AK5: variants seen among roughly 807,000 people sequenced by gnomAD.
AK5 encodes adenylate kinase 5, also known as adenylate kinase isoenzyme 5.
In AK5, 27 loss-of-function variants were observed where a neutral mutation model predicts 69.5. The observed-to-expected ratio is 0.39, with a 90% CI of 0.29 to 0.54. AK5 has a LOEUF of 0.54. AK5 is among the 20% of genes least tolerant of loss of function. The probability of loss-of-function intolerance (pLI) is 0.71; values close to 1 mark genes in which losing one functional copy is unlikely to be tolerated. For synonymous variants in AK5, 260 were observed against 244.4 expected (o/e 1.06, Z -0.60); for missense variants, 531 against 700.4 (o/e 0.76, Z 2.73).
chr1:77,491,572 T>C (rs1026995097), intron 10 of AK5, among the ~76,000 whole-genome samples: 2 of 152,194 alleles, frequency 1.3e-5, no homozygotes, highest in Non-Finnish European at 2.9e-5. Flanking sequence ...CCCAAAGTGC[T>C]GGGATTACAG....
intron 6 of AK5, among the ~76,000 whole-genome samples, chr1:77,347,668 A>G (rs544607206): frequency 2.0e-5 from 3 of 152,362 alleles, no homozygotes; most frequent in South Asian, 4.1e-4. Flanking sequence ...ATAAAAGCAC[A>G]AAGATAAAGC....
chr1:77,411,153 C>A, intron 7 of AK5, 82 bp downstream of exon 7: 3 of 1,135,688 alleles, frequency 2.6e-6, no homozygotes, highest in South Asian at 1.5e-5. Context: ...GGTTGAAGTT[C>A]AACAAACTGC....
intron 12 of AK5, among the ~76,000 whole-genome samples, chr1:77,534,810 G>T (rs540601136): frequency 1.3e-5 from 2 of 152,240 alleles, no homozygotes; most frequent in East Asian, 3.9e-4. Flanking sequence ...ACTCCAGCCT[G>T]GGCATCAGAG....
intron 8 of AK5, among the ~76,000 whole-genome samples, chr1:77,443,826 TA>T (rs1652491636): frequency 6.6e-6 from 1 of 151,934 alleles, no homozygotes; most frequent in South Asian, 2.1e-4. Flanking sequence ...TGTATATGTG[TA>T]AGGTATACAA....
intron 6 of AK5, among the ~76,000 whole-genome samples, chr1:77,347,863 C>T (rs1034003605): frequency 6.6e-6 from 1 of 152,140 alleles, no homozygotes; most frequent in Non-Finnish European, 1.5e-5. Flanking sequence ...ACTTTTCCAT[C>T]CCCAAAGCTC....
intron 2 of AK5, among the ~76,000 whole-genome samples, chr1:77,288,791 T>C (rs1244113470): frequency 6.6e-6 from 1 of 152,206 alleles, no homozygotes; most frequent in Non-Finnish European, 1.5e-5. Flanking sequence ...ATTTTTGATG[T>C]GACTATAAGG....
chr1:77,452,837 C>T (rs1369634893), intron 8 of AK5, among the ~76,000 whole-genome samples: 1 of 152,194 alleles, frequency 6.6e-6, no homozygotes, highest in Non-Finnish European at 1.5e-5. Context: ...TTCTTAAATA[C>T]CTACAGCCAG....
chr1:77,363,680 A>G lies in AK5; in HGVS notation c.891+23112A>G, dbSNP rs192285085. On this transcript the variant is annotated intron_variant, in intron 6 of 13. Coordinates refer to ENST00000354567, the MANE Select transcript of AK5 (RefSeq NM_174858.3). ...ACTGTTGTTAGAGGCCCCATGCACA[A>G]TTCCACCTCAGGGCCTTTTGCTGTT... 1.6e-3 allele frequency among the ~76,000 whole-genome samples: 236 copies of G among 152,128 alleles called. 1 individual carries two copies. Among genetic ancestry groups the G allele is most frequent in the African/African-American group, 5.4e-3 (226 of 41,494 alleles).
chr1:77,466,578 C>A (rs188348773), intron 8 of AK5, among the ~76,000 whole-genome samples: 1 of 152,266 alleles, frequency 6.6e-6, no homozygotes, highest in East Asian at 1.9e-4. Flanking sequence ...AGTGACTTAG[C>A]CCATTTTGTG....
intron 5 of AK5, among the ~76,000 whole-genome samples, chr1:77,339,895 C>A (rs1186320434): frequency 2.0e-5 from 3 of 152,118 alleles, no homozygotes; most frequent in Admixed American, 2.0e-4. Context: ...GCTGAAATTA[C>A]AGGTGTGAGC....
intron 10 of AK5, 138 bp downstream of exon 10, chr1:77,486,490 T>A: frequency 3.8e-6 from 2 of 523,706 alleles, no homozygotes. Flanking sequence ...GGTCAGGAGA[T>A]CGAGACCATC....
At chr1:77,337,964 T>TC (rs371681346) in intron 5 of AK5, among the ~76,000 whole-genome samples, 7,789 of 71,140 alleles carry the variant, frequency 0.11, 347 homozygotes, top group Admixed American at 0.15. Flanking sequence ...GTTTTCTTTT[T>TC]ATTTTTTTTT....
At chr1:77,352,733 G>T (rs1302278832) in intron 6 of AK5, among the ~76,000 whole-genome samples, 1 of 152,148 alleles carries the variant, frequency 6.6e-6, no homozygotes, top group African/African-American at 2.4e-5. Context: ...GGAACACCAG[G>T]GGAAGGCTTT....
intron 5 of AK5, among the ~76,000 whole-genome samples, chr1:77,305,142 G>A (rs1267039219): frequency 6.6e-6 from 1 of 152,070 alleles, no homozygotes; most frequent in Non-Finnish European, 1.5e-5. Context: ...TGTCTTTTGA[G>A]AATGTCTATT....
intron 8 of AK5, among the ~76,000 whole-genome samples, chr1:77,475,752 A>T (rs926091993): frequency 1.3e-5 from 2 of 151,740 alleles, no homozygotes; most frequent in African/African-American, 4.8e-5. Context: ...GACTAGTCAG[A>T]TGTGACTTTA....
chr1:77,307,032 T>C (rs1659679964), intron 5 of AK5, among the ~76,000 whole-genome samples: 1 of 152,096 alleles, frequency 6.6e-6, no homozygotes, highest in African/African-American at 2.4e-5. Flanking sequence ...CAATTTCATT[T>C]TACTTTTCAA....
intron 12 of AK5, among the ~76,000 whole-genome samples, chr1:77,527,352 T>C (rs1239086956): frequency 1.3e-5 from 2 of 152,176 alleles, no homozygotes; most frequent in African/African-American, 4.8e-5. Flanking sequence ...CTGGCGTAAG[T>C]ATGAATTCAA....
intron 12 of AK5, among the ~76,000 whole-genome samples, chr1:77,524,493 A>T (rs1658167471): frequency 6.6e-6 from 1 of 152,154 alleles, no homozygotes. Context: ...GGCCATCCTA[A>T]TGGGTGTGAG....
chr1:77,334,586 C>A (rs931692216), intron 5 of AK5, among the ~76,000 whole-genome samples: 3 of 152,106 alleles, frequency 2.0e-5, no homozygotes, highest in African/African-American at 7.2e-5. Context: ...TCAGGTGTCT[C>A]TTTTGCTCCT....
Sources: allele counts gnomAD v4.1 joint callset (sites outside exome capture counted in the v4.1 genomes callset), GRCh38; gene constraint gnomAD v4.1.1; transcripts MANE v1.5; gene names NCBI Gene and HGNC (gene_info 2026-07-23, HGNC 2026-07-21).